The following SELENOI variants were observed in gnomAD, a reference collection of about 807,000 sequenced individuals.
The protein encoded by SELENOI is ethanolaminephosphotransferase 1.
SELENOI carries 24 observed loss-of-function variants against 50.7 expected under a neutral mutation model. The ratio of observed to expected loss-of-function variants is 0.47; its 90% CI spans 0.34 to 0.67. The LOEUF (loss-of-function observed/expected upper bound fraction) is 0.67, where lower values mean the gene tolerates loss of function less well. Ranked by LOEUF, SELENOI falls within the 30% of genes least tolerant of loss-of-function variation. SELENOI has a pLI of 0.01. For synonymous variants in SELENOI, 155 were observed against 170.2 expected, an observed-to-expected ratio of 0.91 and a Z score of 0.70; for missense variants, 352 against 461.4, an observed-to-expected ratio of 0.76 and a Z score of 2.17.
At chr2:26,373,047 C>T (rs1007775314) in intron 4 of SELENOI, among the ~76,000 whole-genome samples, 2 of 152,054 alleles carry the variant, frequency 1.3e-5, no homozygotes, top group Admixed American at 6.5e-5. Flanking sequence ...CACCACCATG[C>T]GTGGCTAATT....
At chr2:26,376,580 T>G (rs1292530688) in intron 6 of SELENOI, among the ~76,000 whole-genome samples, 1 of 152,214 alleles carries the variant, frequency 6.6e-6, no homozygotes, top group Admixed American at 6.5e-5. Flanking sequence ...TCAATACCAG[T>G]GCCAATCTTG....
chr2:26,369,466 T>TAGAA (rs1350774251), intron 4 of SELENOI, among the ~76,000 whole-genome samples: 8 of 152,248 alleles, frequency 5.3e-5, no homozygotes, highest in Non-Finnish European at 5.9e-5. Flanking sequence ...TTACCCAGAA[T>TAGAA]AGAAACTGGA....
chr2:26,348,586 T>C (rs1676870633), intron 1 of SELENOI, among the ~76,000 whole-genome samples: 1 of 152,252 alleles, frequency 6.6e-6, no homozygotes. Context: ...GCATTCGCTA[T>C]TGTGTTACTT....
chr2:26,355,364 G>T (rs1677042719), intron 1 of SELENOI, among the ~76,000 whole-genome samples: 1 of 148,640 alleles, frequency 6.7e-6, no homozygotes, highest in African/African-American at 2.5e-5. Flanking sequence ...CTTCTGAAAA[G>T]AATAATTATA....
chr2:26,376,671 A>G (rs1677574256), intron 6 of SELENOI, among the ~76,000 whole-genome samples: 1 of 152,182 alleles, frequency 6.6e-6, no homozygotes, highest in Non-Finnish European at 1.5e-5. Flanking sequence ...ACTTACTGAC[A>G]TATTTGCCTT....
intron 6 of SELENOI, among the ~76,000 whole-genome samples, chr2:26,382,074 G>T (rs1246448765): frequency 2.0e-5 from 3 of 152,170 alleles, no homozygotes; most frequent in Non-Finnish European, 4.4e-5. Flanking sequence ...TAGGATCAAA[G>T]AATTTTAAAG....
intron 9 of SELENOI, among the ~76,000 whole-genome samples, chr2:26,387,391 A>G (rs1343733676): frequency 6.6e-6 from 1 of 152,088 alleles, no homozygotes; most frequent in Non-Finnish European, 1.5e-5. Context: ...GATTTTCACC[A>G]TTATAAATAT....
At chr2:26,371,887 G>T (rs996349162) in intron 4 of SELENOI, among the ~76,000 whole-genome samples, 1 of 149,522 alleles carries the variant, frequency 6.7e-6, no homozygotes. Flanking sequence ...AGACCATGGG[G>T]AGAGGGAGAG....
chr2:26,371,110 C>T lies in SELENOI; in HGVS notation c.311-2257C>T, dbSNP rs1237893141. The stretch of plus-strand genomic sequence containing the variant: ...GCGGCTGGCCGGGCCAGGGGCTGAC[C>T]CCCCCACCTCCCTCCCGGACGGGGC... On this transcript the variant is annotated intron_variant, in intron 4 of 9. Transcript: ENST00000260585. Among the ~76,000 whole-genome samples the T allele has an allele frequency of 1.4e-4, 20 of 141,316 alleles. No individual in the cohort carries two copies. The South Asian group carries it at 4.6e-3, about 32-fold the overall frequency. The allele number at this position is 141,316 out of a possible 152,430, so 92.7% of individuals were successfully genotyped here.
Position 26,371,078 on chromosome 2 carries a change from G to A in SELENOI, c.311-2289G>A, listed in dbSNP as rs1414151553. Among the ~76,000 whole-genome samples, 23 of 125,100 alleles carry A rather than the reference G, an allele frequency of 1.8e-4. No homozygotes were observed. In the East Asian group the frequency reaches 4.3e-3, roughly 23 times the overall value. The allele number at this position is 125,100 out of a possible 152,430, so 82.1% of individuals were successfully genotyped here. A position where few individuals can be genotyped will look rare whatever the true frequency, so the allele number is the denominator to read the frequency against. On this transcript the variant is annotated intron_variant, in intron 4 of 9. Transcript: ENST00000260585. ...CGGGCAGAGGCGCCCCTCACCTCCC[G>A]GACGGGGCGGCTGGCCGGGCCAGGG... is the stretch of plus-strand genomic sequence containing the variant.
chr2:26,366,320 T>C (rs906377735), intron 3 of SELENOI, among the ~76,000 whole-genome samples: 1 of 152,162 alleles, frequency 6.6e-6, no homozygotes, highest in Non-Finnish European at 1.5e-5. Flanking sequence ...TAAAAATTTA[T>C]TTATTTATTT....
chr2:26,362,322 T>TA (rs370798519), intron 1 of SELENOI, among the ~76,000 whole-genome samples: 152 of 152,254 alleles, frequency 1.0e-3, no homozygotes, highest in African/African-American at 3.5e-3. Context: ...ATCACACTTT[T>TA]AAGTCTTGAA....
chr2:26,371,421 C>T (rs1405875072), intron 4 of SELENOI, among the ~76,000 whole-genome samples: 11 of 151,394 alleles, frequency 7.3e-5, no homozygotes, highest in Admixed American at 4.6e-4. Flanking sequence ...GATGTGATGG[C>T]GGCCGGGAAG....
In SELENOI at chr2:26,395,757, T is replaced by A. The variant is rs1678077362; in HGVS notation, c.*6654T>A. ...GGAAGCCTTGCCCTTTCAACTGGAT[T>A]TATGTTTGTTTCTGCTGCTGTGAAA... On this transcript the variant is annotated 3_prime_UTR_variant, in exon 10 of 10. Transcript: ENST00000260585. The A allele has an allele frequency of 6.6e-6, 1 of 152,652 alleles. No individual in the cohort carries two copies. The allele number at this position is 152,652 out of a possible 1,614,324, so 9.5% of individuals were successfully genotyped here. A position where few individuals can be genotyped will look rare whatever the true frequency, so the allele number is the denominator to read the frequency against.
rs376360026 is a variant in SELENOI, at chr2:26,385,043, G to A, written c.816G>A (p.Leu272=). The change falls in exon 8 of 10, where the codon TTG becomes TTA. Residue 272 remains leucine (L), a synonymous_variant. Transcript: ENST00000260585. ...TTTCTCCATGCTTGCTGTTCATTTTGTCTACAGCGTGGATCCTTTGGTCAC... is the reference window on the plus strand; with the variant it reads ...TTTCTCCATGCTTGCTGTTCATTTTATCTACAGCGTGGATCCTTTGGTCAC... ...PLFSPCLLFI[L]STAWILWSPS... is the part of the protein sequence containing the mutation. 1.2e-5 allele frequency: 20 copies of A among 1,612,446 alleles called. No individual in the cohort carries two copies. The highest frequency in any genetic ancestry group is 2.7e-5 in the African/African-American group (2 of 74,770).
At chr2:26,375,574 A>G (rs189628081) in intron 6 of SELENOI, among the ~76,000 whole-genome samples, 1 of 152,338 alleles carries the variant, frequency 6.6e-6, no homozygotes, top group East Asian at 1.9e-4. Context: ...CCTCTCAGAT[A>G]TCCTCTTTCT....
At chr2:26,356,616 T>C (rs1001038089) in intron 1 of SELENOI, among the ~76,000 whole-genome samples, 7 of 152,214 alleles carry the variant, frequency 4.6e-5, no homozygotes, top group African/African-American at 1.7e-4. Flanking sequence ...GTACTGCTCC[T>C]AGACTAAACC....
In SELENOI at chr2:26,386,519, C is replaced by T; in HGVS notation, c.1078C>T (p.His360Tyr). Residue 360 changes from histidine (H) to tyrosine (Y), a missense_variant, in exon 9 of 10, where the codon CAT (histidine) becomes TAT (tyrosine). Coordinates refer to ENST00000260585, the MANE Select transcript of SELENOI (RefSeq NM_033505.4). ...AACTGCTTTTACTCTGGCCCACATCCATTATGGAGTACGAGTGGTGAGTAA... is the reference window on the plus strand; with the variant it reads ...AACTGCTTTTACTCTGGCCCACATCTATTATGGAGTACGAGTGGTGAGTAA... ...LTTAFTLAHIHYGVRVVKQLS... is the reference protein window; with the variant it reads ...LTTAFTLAHIYYGVRVVKQLS... 6.2e-7 allele frequency: 1 copy of T among 1,610,098 alleles called. No homozygotes were observed. Among genetic ancestry groups the T allele is most frequent in the South Asian group, 1.1e-5 (1 of 90,266 alleles).
chr2:26,388,321 A>G (rs1053900032), intron 9 of SELENOI, among the ~76,000 whole-genome samples: 6 of 152,220 alleles, frequency 3.9e-5, no homozygotes, highest in Admixed American at 6.5e-5. Context: ...ACTTTTCTTT[A>G]AATGATAAAG....
Sources: gnomAD v4.1 joint callset for allele counts (sites outside exome capture counted in the v4.1 genomes callset) on GRCh38, gnomAD v4.1.1 for gene constraint, MANE v1.5 for transcripts, NCBI Gene and HGNC (gene_info 2026-07-23, HGNC 2026-07-21) for gene names.